EFNA5: variants seen among roughly 807,000 people sequenced by gnomAD.
The protein encoded by EFNA5 is ephrin-A5.
In EFNA5, 5 loss-of-function variants were observed where a neutral mutation model predicts 22.9. The observed-to-expected ratio is 0.22, with a 90% CI of 0.11 to 0.46. EFNA5 has a LOEUF of 0.46. EFNA5 is among the 20% of genes least tolerant of loss of function. EFNA5 has a pLI of 0.99. For synonymous variants in EFNA5, 113 were observed against 112.2 expected, an observed-to-expected ratio of 1.01 and a Z score of -0.04; for missense variants, 237 against 293.3, an observed-to-expected ratio of 0.81 and a Z score of 1.40.
intron 1 of EFNA5, among the ~76,000 whole-genome samples, chr5:107,441,988 C>T (rs577572261): frequency 2.6e-5 from 4 of 152,262 alleles, no homozygotes; most frequent in African/African-American, 9.6e-5. Flanking sequence ...ACAGCTACAA[C>T]CATCTTACTA....
intron 2 of EFNA5, among the ~76,000 whole-genome samples, chr5:107,408,759 A>T (rs1008832824): frequency 1.3e-5 from 2 of 152,176 alleles, no homozygotes; most frequent in Admixed American, 6.5e-5. Context: ...GCAAATGTTG[A>T]GTGAGACAGC....
intron 1 of EFNA5, among the ~76,000 whole-genome samples, chr5:107,532,831 A>T (rs939257819): frequency 2.6e-5 from 4 of 152,192 alleles, no homozygotes; most frequent in Non-Finnish European, 4.4e-5. Context: ...CAACCTCATA[A>T]TTTTAAGTAT....
rs112745094 is a variant in EFNA5 at position 107,610,276 on chromosome 5, T to C, written c.125+60213A>G. 9.7e-3 allele frequency among the ~76,000 whole-genome samples: 1,484 copies of C among 152,344 alleles called. 19 individuals are homozygous for C. Among genetic ancestry groups the C allele is most frequent in the African/African-American group, 0.034 (1,395 of 41,574 alleles). On this transcript the variant is annotated intron_variant, in intron 1 of 4. Transcript: ENST00000333274. Reference sequence around the variant, plus strand: ...TTTTCCATTTTTATTAGCATTATTATAATATTGAAGGTTTTCAGGCATATC... The same window carrying C: ...TTTTCCATTTTTATTAGCATTATTACAATATTGAAGGTTTTCAGGCATATC...
chr5:107,610,494 A>C (rs1381965641), intron 1 of EFNA5, among the ~76,000 whole-genome samples: 1 of 152,198 alleles, frequency 6.6e-6, no homozygotes, highest in East Asian at 1.9e-4. Context: ...TGTTTTTGTC[A>C]ACTATTAGAC....
chr5:107,455,236 G>A (rs926983944), intron 1 of EFNA5, among the ~76,000 whole-genome samples: 2 of 152,154 alleles, frequency 1.3e-5, no homozygotes, highest in Non-Finnish European at 2.9e-5. Flanking sequence ...CTCCTTCAGA[G>A]GATGCATTTC....
At chr5:107,440,609 G>A (rs141732967) in intron 1 of EFNA5, among the ~76,000 whole-genome samples, 1 of 152,294 alleles carries the variant, frequency 6.6e-6, no homozygotes, top group African/African-American at 2.4e-5. Flanking sequence ...TGAGAAGACA[G>A]GGTCACAACT....
At chr5:107,425,211 T>C (rs1748779654) in intron 2 of EFNA5, among the ~76,000 whole-genome samples, 1 of 152,226 alleles carries the variant, frequency 6.6e-6, no homozygotes, top group Non-Finnish European at 1.5e-5. Context: ...ATGGGTATAT[T>C]TGAATAATAA....
chr5:107,440,069 A>G (rs1316883441), intron 1 of EFNA5, among the ~76,000 whole-genome samples: 1 of 152,164 alleles, frequency 6.6e-6, no homozygotes, highest in Non-Finnish European at 1.5e-5. Context: ...TTTCCTCCCC[A>G]CACTCATTAA....
At chr5:107,407,156 A>T (rs1304686133) in intron 2 of EFNA5, among the ~76,000 whole-genome samples, 1 of 152,196 alleles carries the variant, frequency 6.6e-6, no homozygotes, top group African/African-American at 2.4e-5. Flanking sequence ...CAAAGGGTGA[A>T]GGCAGATGAT....
At chr5:107,421,692 G>A (rs1291937696) in intron 2 of EFNA5, among the ~76,000 whole-genome samples, 2 of 152,096 alleles carry the variant, frequency 1.3e-5, no homozygotes. Flanking sequence ...AGTAGATGAT[G>A]TCAGAGTGAG....
chr5:107,494,630 G>A (rs909202855), intron 1 of EFNA5, among the ~76,000 whole-genome samples: 4 of 152,236 alleles, frequency 2.6e-5, no homozygotes, highest in Admixed American at 1.3e-4. Context: ...CCCCGTTGGG[G>A]GATCCACTGG....
intron 1 of EFNA5, among the ~76,000 whole-genome samples, chr5:107,479,108 C>T (rs1351898883): frequency 6.6e-6 from 1 of 152,184 alleles, no homozygotes; most frequent in African/African-American, 2.4e-5. Flanking sequence ...CTTATCTTAA[C>T]CATAAATTAC....
intron 1 of EFNA5, among the ~76,000 whole-genome samples, chr5:107,643,679 G>C (rs569666382): frequency 3.4e-4 from 52 of 151,856 alleles, no homozygotes; most frequent in Admixed American, 4.6e-4. Flanking sequence ...CTTGACGAGA[G>C]GGGGAGTGAA....
intron 1 of EFNA5, among the ~76,000 whole-genome samples, chr5:107,471,292 C>G (rs922548894): frequency 6.6e-6 from 1 of 152,048 alleles, no homozygotes; most frequent in African/African-American, 2.4e-5. Context: ...TGTTGATTCC[C>G]CCTTTTTGCC....
chr5:107,624,291 CTT>C (rs948944212), intron 1 of EFNA5, among the ~76,000 whole-genome samples: 24 of 152,126 alleles, frequency 1.6e-4, no homozygotes, highest in African/African-American at 5.5e-4. Flanking sequence ...CACACATTTT[CTT>C]TAAAACAGCC....
At chr5:107,399,341 A>AAAGGAAAGGG (rs1748023865) in intron 2 of EFNA5, among the ~76,000 whole-genome samples, 2 of 149,076 alleles carry the variant, frequency 1.3e-5, no homozygotes, top group Non-Finnish European at 3.0e-5. Flanking sequence ...AAAGGAAAGG[A>AAAGGAAAGGG]AAGGAAAGGA....
chr5:107,542,614 G>A (rs1001490998), intron 1 of EFNA5, among the ~76,000 whole-genome samples: 24 of 152,088 alleles, frequency 1.6e-4, no homozygotes, highest in African/African-American at 4.1e-4. Flanking sequence ...CTTCTCTGCC[G>A]GCAAATATGA....
chr5:107,410,972 A>G (rs1247021735), intron 2 of EFNA5, among the ~76,000 whole-genome samples: 2 of 152,164 alleles, frequency 1.3e-5, no homozygotes, highest in Admixed American at 6.5e-5. Context: ...TTGATTTTTC[A>G]TATTATATCC....
In EFNA5 at chr5:107,396,376, C is replaced by T. The variant is rs116795656; in HGVS notation, c.419-8605G>A. Among the ~76,000 whole-genome samples, 438 of 152,256 alleles carry T rather than the reference C, an allele frequency of 2.9e-3. 2 individuals carry two copies. Among genetic ancestry groups the T allele is most frequent in the African/African-American group, 0.01 (422 of 41,538 alleles). On this transcript the variant is annotated intron_variant, in intron 2 of 4. Coordinates refer to ENST00000333274, the MANE Select transcript of EFNA5 (RefSeq NM_001962.3). The stretch of plus-strand genomic sequence containing the variant: ...TTAAGTATGACCTGTTTTAGAGGGG[C>T]AGTACAATTTTATAATGCACTTAGA...
Sources: allele counts gnomAD v4.1 joint callset (sites outside exome capture counted in the v4.1 genomes callset), GRCh38; gene constraint gnomAD v4.1.1; transcripts MANE v1.5; gene names NCBI Gene and HGNC (gene_info 2026-07-23, HGNC 2026-07-21).